PLEKHH2: variants seen among roughly 807,000 people sequenced by gnomAD.
The protein encoded by PLEKHH2 is pleckstrin homology domain-containing family H member 2.
Under a neutral mutation model 187.9 loss-of-function variants are expected in PLEKHH2, and 129 were observed. The observed-to-expected ratio is 0.69, with a 90% CI of 0.59 to 0.79. The LOEUF (loss-of-function observed/expected upper bound fraction) is 0.79. PLEKHH2 is among the 30% of genes least tolerant of loss of function. The pLI, the probability that PLEKHH2 is intolerant of heterozygous loss-of-function variation, is 0.00. For missense variants in PLEKHH2, 2,076 were observed against 1,751.2 expected, an observed-to-expected ratio of 1.19 and a Z score of -3.31; for synonymous variants, 686 against 605.6, an observed-to-expected ratio of 1.13 and a Z score of -1.95.
intron 27 of PLEKHH2, among the ~76,000 whole-genome samples, chr2:43,760,583 G>A (rs1672387934): frequency 6.6e-6 from 1 of 151,942 alleles, no homozygotes; most frequent in African/African-American, 2.4e-5. Flanking sequence ...GACTAGTCTC[G>A]AACTCCTGAT....
At chr2:43,659,139 A>G (rs1011373880) in intron 2 of PLEKHH2, among the ~76,000 whole-genome samples, 1 of 150,016 alleles carries the variant, frequency 6.7e-6, no homozygotes, top group African/African-American at 2.5e-5. Flanking sequence ...TGCCTGGCTA[A>G]TTTTTGTATA....
intron 1 of PLEKHH2, among the ~76,000 whole-genome samples, chr2:43,644,165 C>T (rs959106082): frequency 1.5e-4 from 23 of 152,044 alleles, no homozygotes; most frequent in African/African-American, 4.8e-4. Context: ...AAATCCAAAC[C>T]GTGAATTGTA....
At chr2:43,705,251 C>CTTTTTTTTTTTTTTTTTT (rs5830767) in intron 9 of PLEKHH2, among the ~76,000 whole-genome samples, 1 of 95,868 alleles carries the variant, frequency 1.0e-5, no homozygotes, top group Non-Finnish European at 1.9e-5. Context: ...AAATTTTATC[C>CTTTTTTTTTTTTTTTTTT]TTTTTTTTTT....
Position 43,652,387 on chromosome 2 carries a change from C to A in PLEKHH2, c.123+7591C>A, listed in dbSNP as rs183785696. The stretch of plus-strand genomic sequence containing the variant: ...AGGAGCTCAAGCCTTATTCTCCAAG[C>A]CTTATTCTAGGCTATGCTATCCAGA... On this transcript the variant is annotated intron_variant, in intron 2 of 29. Transcript: ENST00000282406. Among the ~76,000 whole-genome samples, 133 of 152,276 alleles carry A rather than the reference C, an allele frequency of 8.7e-4. 1 individual carries two copies. The highest frequency in any genetic ancestry group is 3.1e-3 in the African/African-American group (129 of 41,558).
chr2:43,688,109 C>A (rs1183286181), intron 3 of PLEKHH2, among the ~76,000 whole-genome samples: 1 of 152,156 alleles, frequency 6.6e-6, no homozygotes, highest in Non-Finnish European at 1.5e-5. Flanking sequence ...CCTGTGTTTT[C>A]TTTTGAGAAG....
At position 43,738,517 on chromosome 2, in the gene PLEKHH2, G is replaced by A. The variant is rs144393564; in HGVS notation, c.3120G>A (p.Leu1040=). 1 of 1,604,290 alleles carries A rather than the reference G, an allele frequency of 6.2e-7. No individual in the cohort carries two copies. Among genetic ancestry groups the A allele is most frequent in the Non-Finnish European group, 8.5e-7 (1 of 1,173,880 alleles). The part of the protein sequence containing the change: ...RRQPQNQPGP[L]QGWQLLALCV... ...AGCCACAGAATCAACCAGGACCATT[G>A]CAGGTAGATATTAATATTGATACAT... The change falls in exon 20 of 30, where the codon TTG becomes TTA. Residue 1040 remains leucine, a synonymous_variant. Transcript: ENST00000282406.
At position 43,650,144 on chromosome 2, in the gene PLEKHH2, C is replaced by CTTT. The variant is rs70965311; in HGVS notation, c.123+5368_123+5370dup. Among the ~76,000 whole-genome samples, 97 of 95,664 alleles carry CTTT rather than the reference C, an allele frequency of 1.0e-3. 1 individual carries two copies. Among genetic ancestry groups the CTTT allele is most frequent in the Middle Eastern group, 9.1e-3 (1 of 110 alleles). The allele number at this position is 95,664 out of a possible 152,430, so 62.8% of individuals were successfully genotyped here. A position where few individuals can be genotyped will look rare whatever the true frequency, so the allele number is the denominator to read the frequency against. ...ATCATTTCAGGTTTGTTTTTCTTTC[C>CTTT]TTTTTTTTTTTTTTTTTTTTTTCTG... On this transcript the variant is annotated intron_variant, in intron 2 of 29. Transcript: ENST00000282406.
chr2:43,723,705 C>A (rs1349004003), intron 16 of PLEKHH2, among the ~76,000 whole-genome samples: 2 of 152,182 alleles, frequency 1.3e-5, no homozygotes, highest in Non-Finnish European at 2.9e-5. Flanking sequence ...CAAAATAACC[C>A]TTATGCCAAA....
chr2:43,696,577 A>G (rs1669101478), intron 6 of PLEKHH2, among the ~76,000 whole-genome samples: 1 of 150,896 alleles, frequency 6.6e-6, no homozygotes, highest in Non-Finnish European at 1.5e-5. Flanking sequence ...TTCTTTACTC[A>G]CCTCCTCTTT....
intron 2 of PLEKHH2, among the ~76,000 whole-genome samples, chr2:43,648,291 C>T (rs927508285): frequency 6.6e-6 from 1 of 151,102 alleles, no homozygotes; most frequent in Non-Finnish European, 1.5e-5. Context: ...CAGGTTCAAG[C>T]GATTCTTCTG....
At chr2:43,672,023 T>G (rs1286349593) in intron 2 of PLEKHH2, among the ~76,000 whole-genome samples, 1 of 152,242 alleles carries the variant, frequency 6.6e-6, no homozygotes, top group Non-Finnish European at 1.5e-5. Context: ...TGGGTAGAAT[T>G]CACAAGTGAA....
chr2:43,755,461 T>G (rs1672179932), intron 25 of PLEKHH2, among the ~76,000 whole-genome samples: 1 of 152,234 alleles, frequency 6.6e-6, no homozygotes, highest in East Asian at 1.9e-4. Context: ...TCCTAAGTAG[T>G]GTGCCTTTCT....
At chr2:43,760,568 G>T (rs1050836425) in intron 27 of PLEKHH2, among the ~76,000 whole-genome samples, 1 of 151,930 alleles carries the variant, frequency 6.6e-6, no homozygotes, top group African/African-American at 2.4e-5. Flanking sequence ...TCACCATTTT[G>T]GCCAGACTAG....
intron 21 of PLEKHH2, 149 bp from the exon 22 acceptor site, chr2:43,742,592 G>C (rs1461975239): frequency 1.9e-6 from 1 of 512,996 alleles, no homozygotes; most frequent in Non-Finnish European, 3.2e-6. Flanking sequence ...GAAAGTTACA[G>C]CAGTTTAGTA....
chr2:43,721,239 A>T (rs1420926850), intron 16 of PLEKHH2, among the ~76,000 whole-genome samples: 4 of 152,226 alleles, frequency 2.6e-5, no homozygotes, highest in African/African-American at 9.6e-5. Flanking sequence ...GAATTATTTT[A>T]AATTTCAGAA....
chr2:43,669,718 T>G (rs552139813), intron 2 of PLEKHH2, among the ~76,000 whole-genome samples: 4 of 152,262 alleles, frequency 2.6e-5, no homozygotes, highest in African/African-American at 9.6e-5. Flanking sequence ...AACTTTTTTT[T>G]TTTTTGAGAC....
intron 2 of PLEKHH2, among the ~76,000 whole-genome samples, chr2:43,678,644 A>G (rs2104425529): frequency 6.6e-6 from 1 of 152,134 alleles, no homozygotes; most frequent in African/African-American, 2.4e-5. Flanking sequence ...GGTTGCAGTG[A>G]GCCGAGATGG....
intron 2 of PLEKHH2, chr2:43,676,280 G>A: frequency 1.9e-6 from 3 of 1,613,108 alleles, no homozygotes; most frequent in Non-Finnish European, 2.5e-6. Context: ...ATGCTCCCAA[G>A]CAACATACCC....
At chr2:43,760,582 C>T (rs1273147825) in intron 27 of PLEKHH2, among the ~76,000 whole-genome samples, 2 of 152,076 alleles carry the variant, frequency 1.3e-5, no homozygotes, top group Non-Finnish European at 2.9e-5. Flanking sequence ...AGACTAGTCT[C>T]GAACTCCTGA....
Sources: gnomAD v4.1 joint callset for allele counts (sites outside exome capture counted in the v4.1 genomes callset) on GRCh38, gnomAD v4.1.1 for gene constraint, MANE v1.5 for transcripts, NCBI Gene and HGNC (gene_info 2026-07-23, HGNC 2026-07-21) for gene names.